Variants in NCAM2 observed in about 807,000 individuals in gnomAD.
NCAM2 encodes neural cell adhesion molecule 2.
NCAM2 carries 30 observed loss-of-function variants against 98.1 expected under a neutral mutation model. The ratio of observed to expected loss-of-function variants is 0.31; its 90% CI spans 0.23 to 0.41. The LOEUF (loss-of-function observed/expected upper bound fraction) is 0.41, where lower values mean the gene tolerates loss of function less well. Ranked by LOEUF, NCAM2 falls within the 10% of genes least tolerant of loss-of-function variation. The pLI, the probability that NCAM2 is intolerant of heterozygous loss-of-function variation, is 1.00. For missense variants in NCAM2, 867 were observed against 1,005.8 expected (o/e 0.86, Z 1.87); for synonymous variants, 368 against 342.4 (o/e 1.07, Z -0.83).
At chr21:21,407,463 G>C (rs1029745580) in intron 9 of NCAM2, among the ~76,000 whole-genome samples, 3 of 152,080 alleles carry the variant, frequency 2.0e-5, no homozygotes, top group Non-Finnish European at 2.9e-5. Context: ...ATTGCTTTCT[G>C]TTATGGAAAA....
intron 14 of NCAM2, among the ~76,000 whole-genome samples, chr21:21,473,051 A>G (rs1388931514): frequency 1.3e-5 from 2 of 151,542 alleles, no homozygotes; most frequent in East Asian, 3.9e-4. Flanking sequence ...GGTGTTTTAA[A>G]TTTAAGATTA....
At chr21:21,353,397 A>G (rs963794293) in intron 8 of NCAM2, among the ~76,000 whole-genome samples, 6 of 152,198 alleles carry the variant, frequency 3.9e-5, no homozygotes, top group African/African-American at 1.2e-4. Context: ...TTACCACACT[A>G]AATTCCAGAT....
At chr21:20,998,756 C>A in intron 1 of NCAM2, 138 bp downstream of exon 1, 1 of 862,110 alleles carries the variant, frequency 1.2e-6, no homozygotes, top group Non-Finnish European at 1.8e-6. Flanking sequence ...TTATTATTTT[C>A]GTTCTTTCTC....
chr21:21,170,794 A>G (rs749894635), intron 1 of NCAM2, among the ~76,000 whole-genome samples: 31 of 151,934 alleles, frequency 2.0e-4, no homozygotes, highest in South Asian at 4.2e-4. Flanking sequence ...AGGTTCATCA[A>G]TTGTAACAAA....
Position 21,105,749 on chromosome 21 carries a change from A to G in NCAM2, c.55+107131A>G, listed in dbSNP as rs756827379. Among the ~76,000 whole-genome samples the G allele has an allele frequency of 7.9e-5, 12 of 152,268 alleles. No individual in the cohort carries two copies. In the East Asian group the frequency reaches 2.1e-3, roughly 27 times the overall value. On this transcript the variant is annotated intron_variant, in intron 1 of 17. Transcript: ENST00000400546. Reference sequence around the variant, plus strand: ...TGTAGATAAGACACTAAATTGATATAGAGTCTCTAAAGCCAATCTGCAAAG... The same window carrying G: ...TGTAGATAAGACACTAAATTGATATGGAGTCTCTAAAGCCAATCTGCAAAG...
intron 1 of NCAM2, among the ~76,000 whole-genome samples, chr21:21,040,241 TA>T (rs1034062830): frequency 3.3e-5 from 5 of 152,168 alleles, no homozygotes; most frequent in African/African-American, 1.2e-4. Flanking sequence ...TTTTTATTAT[TA>T]AAGACTCATG....
At chr21:21,103,490 G>A (rs1462570154) in intron 1 of NCAM2, among the ~76,000 whole-genome samples, 1 of 151,906 alleles carries the variant, frequency 6.6e-6, no homozygotes. Context: ...GAAGAAATAT[G>A]TATTCTAAAA....
intron 16 of NCAM2, among the ~76,000 whole-genome samples, chr21:21,527,767 T>C (rs1010336597): frequency 7.9e-5 from 12 of 152,206 alleles, no homozygotes; most frequent in Non-Finnish European, 1.5e-4. Context: ...AGTGATACAA[T>C]CACTGTGGAA....
intron 1 of NCAM2, among the ~76,000 whole-genome samples, chr21:21,189,793 A>G (rs1219139012): frequency 6.6e-6 from 1 of 152,164 alleles, no homozygotes; most frequent in Non-Finnish European, 1.5e-5. Context: ...AATTGCCAGT[A>G]ATTTACTCCA....
intron 1 of NCAM2, among the ~76,000 whole-genome samples, chr21:21,230,573 C>T (rs1055580048): frequency 6.6e-6 from 1 of 151,292 alleles, no homozygotes; most frequent in South Asian, 2.1e-4. Context: ...CTCTCTCTTT[C>T]CCACTCTCAT....
At chr21:21,002,765 CA>C (rs1415655856) in intron 1 of NCAM2, among the ~76,000 whole-genome samples, 5 of 152,120 alleles carry the variant, frequency 3.3e-5, no homozygotes, top group Non-Finnish European at 7.4e-5. Flanking sequence ...TTGATATGTG[CA>C]AAATTAATTT....
intron 1 of NCAM2, among the ~76,000 whole-genome samples, chr21:21,015,496 A>G (rs1034399334): frequency 2.0e-5 from 3 of 152,202 alleles, no homozygotes; most frequent in Non-Finnish European, 4.4e-5. Context: ...TTTTAGCAAT[A>G]AAACATTTTT....
At chr21:21,297,755 A>G (rs1402918807) in intron 5 of NCAM2, among the ~76,000 whole-genome samples, 1 of 151,700 alleles carries the variant, frequency 6.6e-6, no homozygotes, top group Non-Finnish European at 1.5e-5. Flanking sequence ...GCTCATATAG[A>G]TGAAAGACCT....
At chr21:21,372,045 C>T (rs914430012) in intron 8 of NCAM2, among the ~76,000 whole-genome samples, 1 of 151,708 alleles carries the variant, frequency 6.6e-6, no homozygotes, top group Non-Finnish European at 1.5e-5. Flanking sequence ...GTGCTGTGAA[C>T]TCTAATTGGA....
intron 1 of NCAM2, among the ~76,000 whole-genome samples, chr21:21,152,397 C>T (rs1248776697): frequency 6.6e-6 from 1 of 151,552 alleles, no homozygotes; most frequent in African/African-American, 2.4e-5. Flanking sequence ...TTTTCTCCTG[C>T]TTGTGGGTCA....
rs749326721 is a variant in NCAM2 at position 21,286,147 on chromosome 21, T to A, written c.338-122T>A. ...TTATCTAGTTTAAGATTTTAAAGTA[T>A]CTAGGTTTCCCTAATTATTTTATTA... On this transcript the variant is annotated intron_variant, in intron 3 of 17. Transcript: ENST00000400546. The A allele has an allele frequency of 1.4e-5, 15 of 1,063,356 alleles. No homozygotes were observed. The African/African-American group carries it at 2.4e-4, about 17-fold the overall frequency. 65.9% of individuals were successfully genotyped at this position (1,063,356 alleles called of 1,614,324 possible). A position where few individuals can be genotyped will look rare whatever the true frequency, so the allele number is the denominator to read the frequency against.
chr21:21,137,664 A>T (rs1384162815), intron 1 of NCAM2, among the ~76,000 whole-genome samples: 1 of 152,194 alleles, frequency 6.6e-6, no homozygotes, highest in Non-Finnish European at 1.5e-5. Context: ...AGGCTAAGAC[A>T]GGAGAATCGC....
intron 5 of NCAM2, among the ~76,000 whole-genome samples, chr21:21,299,315 T>A (rs2073620326): frequency 6.6e-6 from 1 of 150,976 alleles, no homozygotes; most frequent in Non-Finnish European, 1.5e-5. Flanking sequence ...TTTTTTTTGC[T>A]TGTGTCATAT....
intron 1 of NCAM2, chr21:21,223,255 T>C (rs2070243556): frequency 6.6e-6 from 1 of 152,124 alleles, no homozygotes; most frequent in Non-Finnish European, 1.5e-5. Context: ...ATTTCTAGAA[T>C]CACAAAAATA....
Sources: gnomAD v4.1 joint callset for allele counts (sites outside exome capture counted in the v4.1 genomes callset) on GRCh38, gnomAD v4.1.1 for gene constraint, MANE v1.5 for transcripts, NCBI Gene and HGNC (gene_info 2026-07-23, HGNC 2026-07-21) for gene names.